The following RTN1 variants were observed in gnomAD, a reference collection of about 807,000 sequenced individuals.
RTN1 encodes the protein reticulon-1.
RTN1 carries 25 observed loss-of-function variants against 65.5 expected under a neutral mutation model. That is an observed-to-expected ratio of 0.38 (90% confidence interval 0.28 to 0.53). The LOEUF (loss-of-function observed/expected upper bound fraction) is 0.53, where lower values mean the gene tolerates loss of function less well. Among genes scored for constraint, RTN1 ranks in the 20% least tolerant of loss-of-function variants. The pLI is 0.79. For synonymous variants in RTN1, 471 were observed against 447.6 expected (o/e 1.05, Z -0.66); for missense variants, 983 against 1,025.4 (o/e 0.96, Z 0.57).
At chr14:59,857,666 T>C (rs1887632559) in intron 1 of RTN1, among the ~76,000 whole-genome samples, 1 of 152,228 alleles carries the variant, frequency 6.6e-6, no homozygotes, top group Admixed American at 6.5e-5. Context: ...CTGGGTTGGC[T>C]TTCTTCCAGC....
intron 3 of RTN1, among the ~76,000 whole-genome samples, chr14:59,670,596 G>A (rs566619401): frequency 1.3e-5 from 2 of 152,292 alleles, no homozygotes; most frequent in African/African-American, 4.8e-5. Context: ...TGTTAAACTT[G>A]AAGTGAAAAG....
chr14:59,610,107 T>A lies in RTN1; in HGVS notation c.1766-2615A>T, dbSNP rs769630981. The A allele has an allele frequency of 5.1e-6, 4 of 777,148 alleles. No homozygotes were observed. In the African/African-American group the frequency reaches 6.8e-5, roughly 13 times the overall value. 48.1% of individuals were successfully genotyped at this position (777,148 alleles called of 1,614,324 possible). On this transcript the variant is annotated intron_variant, in intron 3 of 8. Coordinates refer to ENST00000267484, the MANE Select transcript of RTN1 (RefSeq NM_021136.3). Reference sequence around the variant, plus strand: ...TATTTTCAAGTGAATCCCCTCTGAATGAATTGCTTTATACCTGGTAGAAAT... The same window carrying A: ...TATTTTCAAGTGAATCCCCTCTGAAAGAATTGCTTTATACCTGGTAGAAAT...
chr14:59,827,065 TTTGTTGTTGTTG>T (rs144561240), intron 1 of RTN1, among the ~76,000 whole-genome samples: 5 of 151,122 alleles, frequency 3.3e-5, no homozygotes, highest in Admixed American at 6.6e-5. Flanking sequence ...GTATATGTGT[TTTGTTGTTGTTG>T]TTGTTGTTGT....
At position 59,870,344 on chromosome 14, in the gene RTN1, G is replaced by A. The variant is rs946801245; in HGVS notation, c.241+46C>T. On this transcript the variant is annotated intron_variant, in intron 1 of 8. Coordinates refer to ENST00000267484, the MANE Select transcript of RTN1 (RefSeq NM_021136.3). The surrounding 1 kb of genome is among the most constrained non-coding windows in gnomAD (Gnocchi z 5.1). ...CGCGCAGAAGGGGACTGACTGGGGG[G>A]CCCTGGTCCCCGACGCCATTTGAGG... The A allele has an allele frequency of 4.8e-6, 7 of 1,446,660 alleles. No individual in the cohort carries two copies. The highest frequency in any genetic ancestry group is 1.5e-5 in the South Asian group (1 of 67,722). The allele number at this position is 1,446,660 out of a possible 1,614,324, so 89.6% of individuals were successfully genotyped here.
intron 3 of RTN1, among the ~76,000 whole-genome samples, chr14:59,690,304 T>TG (rs371284799): frequency 0.036 from 5,076 of 141,324 alleles, 212 homozygotes; most frequent in African/African-American, 0.11. Context: ...AGAGCGGAGG[T>TG]GGGGGGGGGT....
chr14:59,617,603 G>A (rs969312940), intron 3 of RTN1, among the ~76,000 whole-genome samples: 1 of 152,142 alleles, frequency 6.6e-6, no homozygotes, highest in African/African-American at 2.4e-5. Flanking sequence ...ATACTACACT[G>A]TTGTTAGCTG....
At chr14:59,718,473 A>G (rs1278791724) in intron 3 of RTN1, among the ~76,000 whole-genome samples, 5 of 152,186 alleles carry the variant, frequency 3.3e-5, no homozygotes, top group African/African-American at 9.7e-5. Context: ...GCCCTAGGCA[A>G]GCATGTATCT....
intron 1 of RTN1, among the ~76,000 whole-genome samples, chr14:59,824,407 A>G (rs1886995335): frequency 6.6e-6 from 1 of 152,178 alleles, no homozygotes; most frequent in Non-Finnish European, 1.5e-5. Context: ...TATTTTCTGA[A>G]TTCTGTGATA....
intron 1 of RTN1, among the ~76,000 whole-genome samples, chr14:59,788,503 A>G (rs1008286898): frequency 6.6e-6 from 1 of 152,140 alleles, no homozygotes; most frequent in Non-Finnish European, 1.5e-5. Flanking sequence ...TTTGTTTGCC[A>G]CTTGTATTTA....
intron 3 of RTN1, among the ~76,000 whole-genome samples, chr14:59,657,248 A>C (rs182038105): frequency 2.0e-5 from 3 of 152,206 alleles, no homozygotes; most frequent in Admixed American, 2.0e-4. Flanking sequence ...GTCTCTACTA[A>C]AAATACAAAA....
At chr14:59,760,486 A>G (rs1368403549) in intron 1 of RTN1, among the ~76,000 whole-genome samples, 2 of 152,242 alleles carry the variant, frequency 1.3e-5, no homozygotes, top group African/African-American at 2.4e-5. Flanking sequence ...AAATGAATGT[A>G]TTACTCTTTA....
At chr14:59,796,755 G>GT (rs1886447172) in intron 1 of RTN1, among the ~76,000 whole-genome samples, 1 of 152,056 alleles carries the variant, frequency 6.6e-6, no homozygotes, top group African/African-American at 2.4e-5. Context: ...AACAGTAGAG[G>GT]TACTCCTTCC....
chr14:59,686,590 C>T (rs1042419557), intron 3 of RTN1, among the ~76,000 whole-genome samples: 5 of 152,144 alleles, frequency 3.3e-5, no homozygotes, highest in Non-Finnish European at 5.9e-5. Flanking sequence ...ATGAAGGACA[C>T]CCCAGATCTC....
intron 1 of RTN1, among the ~76,000 whole-genome samples, chr14:59,762,629 G>A (rs1192148007): frequency 6.6e-6 from 1 of 152,196 alleles, no homozygotes; most frequent in Admixed American, 6.5e-5. Context: ...AGCTAAACTA[G>A]ATGGATCTAA....
intron 3 of RTN1, among the ~76,000 whole-genome samples, chr14:59,670,854 CCTT>C (rs1427282540): frequency 1.3e-5 from 2 of 152,184 alleles, no homozygotes; most frequent in African/African-American, 2.4e-5. Context: ...TCCTTGGACT[CCTT>C]CTATAACAGC....
At chr14:59,647,559 T>C (rs1566671821) in intron 3 of RTN1, among the ~76,000 whole-genome samples, 2 of 152,196 alleles carry the variant, frequency 1.3e-5, no homozygotes, top group Non-Finnish European at 2.9e-5. Flanking sequence ...TATATAACAA[T>C]TTTCAGCAAA....
chr14:59,712,912 CA>C (rs34371436), intron 3 of RTN1, among the ~76,000 whole-genome samples: 56,283 of 111,140 alleles, frequency 0.51, 12,592 homozygotes, highest in African/African-American at 0.68. Context: ...AACTCCATCT[CA>C]AAAAAAAAAA....
chr14:59,724,392 C>A (rs184988387), intron 3 of RTN1, among the ~76,000 whole-genome samples: 13 of 152,296 alleles, frequency 8.5e-5, no homozygotes, highest in African/African-American at 3.1e-4. Flanking sequence ...GAAACTCTGT[C>A]CAGCATCAGC....
Position 59,727,483 on chromosome 14 carries a change from G to T in RTN1, c.1201C>A (p.His401Asn), listed in dbSNP as rs1401643961. 6.3e-7 allele frequency: 1 copy of T among 1,584,020 alleles called. No homozygotes were observed. The highest frequency in any genetic ancestry group is 1.3e-5 in the African/African-American group (1 of 74,384). Reference sequence around the variant, plus strand: ...CCCGACTCCGCGCTGCTGGCCTCGTGGTCCAGGGGGCTGGGGATGGTTGGC... The same window carrying T: ...CCCGACTCCGCGCTGCTGGCCTCGTTGTCCAGGGGGCTGGGGATGGTTGGC... ...GPPTIPSPLD[H>N]EASSAESGDS... is the part of the protein sequence containing the mutation. Residue 401 changes from histidine to asparagine, a missense_variant, in exon 3 of 9, where the codon CAC becomes AAC. Physicochemically the swap from His to Asn is moderately conservative, Grantham distance 68. This residue lies in a region of RTN1 where 818 missense variants were observed against 801.8 expected (regional missense o/e 1.02). Coordinates refer to ENST00000267484, the MANE Select transcript of RTN1 (RefSeq NM_021136.3). This position sits in a 1 kb window ranked among gnomAD's most constrained non-coding sequence, Gnocchi z 4.2.
Sources: allele counts gnomAD v4.1 joint callset (sites outside exome capture counted in the v4.1 genomes callset), GRCh38; gene constraint gnomAD v4.1.1; regional missense constraint gnomAD v4.1.1; non-coding constraint Gnocchi (gnomAD v3.1); transcripts MANE v1.5; gene names NCBI Gene and HGNC (gene_info 2026-07-23, HGNC 2026-07-21).